CAPN11: variants seen among roughly 807,000 people sequenced by gnomAD.
CAPN11 encodes the protein calpain-11.
Under a neutral mutation model 105.3 loss-of-function variants are expected in CAPN11, and 108 were observed. The ratio of observed to expected loss-of-function variants is 1.03; its 90% confidence interval spans 0.88 to 1.20. The LOEUF (loss-of-function observed/expected upper bound fraction) is 1.20, where lower values mean the gene tolerates loss of function less well. Ranked by LOEUF, CAPN11 falls within the 50% of genes most tolerant of loss-of-function variation. CAPN11 has a pLI of 0.00. For synonymous variants in CAPN11, 329 were observed against 344.5 expected, an observed-to-expected ratio of 0.96 and a Z score of 0.50; for missense variants, 883 against 924.8, an observed-to-expected ratio of 0.95 and a Z score of 0.59.
chr6:44,166,149 G>A (rs1383189926), intron 1 of CAPN11, among the ~76,000 whole-genome samples: 2 of 152,168 alleles, frequency 1.3e-5, no homozygotes, highest in Non-Finnish European at 2.9e-5. Flanking sequence ...ACAGGAGAAG[G>A]GGTTTGCTTG....
At chr6:44,164,736 GGTAACCTGTGCAGAAAGTCGT>G (rs895963045) in intron 1 of CAPN11, among the ~76,000 whole-genome samples, 2 of 152,172 alleles carry the variant, frequency 1.3e-5, no homozygotes, top group Admixed American at 1.3e-4. Flanking sequence ...GAGGAATGAG[GGTAACCTGTGCAGAAAGTCGT>G]GGGGCCAGAT....
At chr6:44,161,180 T>C (rs1483138887) in intron 1 of CAPN11, among the ~76,000 whole-genome samples, 1 of 146,608 alleles carries the variant, frequency 6.8e-6, no homozygotes, top group Non-Finnish European at 1.5e-5. Context: ...CTTTTGGGTT[T>C]TTTTTTTTTT....
At chr6:44,170,274 A>G (rs918675010) in intron 4 of CAPN11, among the ~76,000 whole-genome samples, 1 of 152,156 alleles carries the variant, frequency 6.6e-6, no homozygotes, top group African/African-American at 2.4e-5. Context: ...AAAATTTCTT[A>G]TCTCACGGTT....
In CAPN11 at chr6:44,172,424, A is replaced by G; in HGVS notation, c.528+4A>G. ...TGCTGGCATCTTCCATTTTCAGGTG[A>G]AGGACAGTGTGAGAGCCACTGTGGC... On this transcript the variant is annotated splice_donor_region_variant and intron_variant, in intron 5 of 22. Coordinates refer to ENST00000398776, the MANE Select transcript of CAPN11 (RefSeq NM_007058.4). 6.5e-7 allele frequency: 1 copy of G among 1,532,508 alleles called. No individual in the cohort carries two copies. The highest frequency in any genetic ancestry group is 8.9e-7 in the Non-Finnish European group (1 of 1,129,492). The allele number at this position is 1,532,508 out of a possible 1,614,324, so 94.9% of individuals were successfully genotyped here.
At chr6:44,179,683 C>G in intron 13 of CAPN11, 53 bp downstream of exon 13, 1 of 1,588,954 alleles carries the variant, frequency 6.3e-7, no homozygotes, top group Non-Finnish European at 8.6e-7. Context: ...CCACTCCACC[C>G]CTGGCTGCAA....
intron 11 of CAPN11, 105 bp downstream of exon 11, chr6:44,177,103 T>C: frequency 2.7e-6 from 4 of 1,493,006 alleles, no homozygotes; most frequent in Non-Finnish European, 3.7e-6. Context: ...TCAGGGTCCA[T>C]GAGGTCAAGG....
At chr6:44,160,572 G>A (rs915022958) in intron 1 of CAPN11, among the ~76,000 whole-genome samples, 15 of 152,018 alleles carry the variant, frequency 9.9e-5, no homozygotes, top group African/African-American at 3.4e-4. Context: ...AGCCAAGATC[G>A]CTCCACTGCA....
Position 44,176,320 on chromosome 6 carries a change from A to T in CAPN11, c.983A>T (p.Asn328Ile), listed in dbSNP as rs754531195. The T allele has an allele frequency of 6.2e-7, 1 of 1,613,896 alleles. No homozygotes were observed. Residue 328 changes from asparagine to isoleucine, a missense_variant, in exon 9 of 23, where the codon AAT becomes ATT. Coordinates refer to ENST00000398776, the MANE Select transcript of CAPN11 (RefSeq NM_007058.4). ...AATCCCTGGGGCCGGATTGAGTGGA[A>T]TGGAGCTTGGAGTGACAGGTAGGTG... is the stretch of plus-strand genomic sequence containing the variant. ...VRNPWGRIEW[N>I]GAWSDSAREW...
At position 44,172,329 on chromosome 6, in the gene CAPN11, G is replaced by C; in HGVS notation, c.437G>C (p.Gly146Ala). The C allele has an allele frequency of 6.4e-7, 1 of 1,558,142 alleles. No individual in the cohort carries two copies. Among genetic ancestry groups the C allele is most frequent in the African/African-American group, 1.4e-5 (1 of 73,320 alleles). Residue 146 changes from glycine (G) to alanine (A), a missense_variant, in exon 5 of 23, where the codon GGC becomes GCC. Gly to Ala is a moderately conservative substitution (Grantham distance 60). Transcript: ENST00000398776. ...GACTGCTGGCTGCTGGCTGCCATCG[G>C]CTCCCTTACCACCTGCCCCAAACTG... ...LGDCWLLAAI[G>A]SLTTCPKLLY...
chr6:44,173,570 GTT>G (rs58916283), intron 7 of CAPN11, among the ~76,000 whole-genome samples, 184 bp downstream of exon 7: 2 of 86,734 alleles, frequency 2.3e-5, no homozygotes, highest in Admixed American at 1.0e-4. Flanking sequence ...CTTTCTTTTT[GTT>G]TTTTTTTGTT....
chr6:44,172,244 G>C, intron 4 of CAPN11, 58 bp from the exon 5 acceptor site: 1 of 1,190,652 alleles, frequency 8.4e-7, no homozygotes, highest in South Asian at 1.4e-5. Context: ...TGGATTCTGA[G>C]GCCCACCCAC....
intron 12 of CAPN11, 48 bp downstream of exon 12, chr6:44,177,468 C>G (rs747464059): frequency 1.6e-5 from 24 of 1,489,478 alleles, no homozygotes; most frequent in Non-Finnish European, 2.1e-5. Context: ...CCTCACCTGA[C>G]CTCACTCCTT....
In CAPN11 at chr6:44,183,950, G is replaced by A. The variant is rs1208335942; in HGVS notation, c.*18G>A. On this transcript the variant is annotated 3_prime_UTR_variant, in exon 23 of 23. Transcript: ENST00000398776. ...GGGGATAGAGGCGCTGTAGGAGCCT[G>A]GTCATCTCTACCAGCAGCAGCAGCA... The A allele has an allele frequency of 3.2e-6, 5 of 1,552,830 alleles. No individual in the cohort carries two copies. The highest frequency in any genetic ancestry group is 4.4e-6 in the Non-Finnish European group (5 of 1,147,784).
chr6:44,171,580 C>A (rs906531729), intron 4 of CAPN11, among the ~76,000 whole-genome samples: 1 of 152,154 alleles, frequency 6.6e-6, no homozygotes, highest in African/African-American at 2.4e-5. Context: ...GTAATCCTAG[C>A]ACCTTGGGAG....
At position 44,176,903 on chromosome 6, in the gene CAPN11, C is replaced by T; in HGVS notation, c.1142C>T (p.Thr381Ile). The T allele has an allele frequency of 6.2e-7, 1 of 1,613,978 alleles. No homozygotes were observed. Among genetic ancestry groups the T allele is most frequent in the Non-Finnish European group, 8.5e-7 (1 of 1,179,876 alleles). ...LLEICNLTPD[T>I]LSGDYKSYWH... Reference sequence around the variant, plus strand: ...GAGATCTGCAACCTCACGCCTGATACACTCTCTGGGGACTACAAGAGCTAC... The same window carrying T: ...GAGATCTGCAACCTCACGCCTGATATACTCTCTGGGGACTACAAGAGCTAC... The change falls in exon 11 of 23, where the codon ACA becomes ATA. Residue 381 changes from threonine (T) to isoleucine (I), a missense_variant. Physicochemically the swap from Thr to Ile is moderately conservative, Grantham distance 89. Coordinates refer to ENST00000398776, the MANE Select transcript of CAPN11 (RefSeq NM_007058.4).
At chr6:44,159,696 A>AATTT (rs1443767195) in intron 1 of CAPN11, among the ~76,000 whole-genome samples, 1 of 151,878 alleles carries the variant, frequency 6.6e-6, no homozygotes, top group Non-Finnish European at 1.5e-5. Context: ...CTCAAAATAT[A>AATTT]ATTTATTTAT....
intron 7 of CAPN11, among the ~76,000 whole-genome samples, 191 bp from the exon 8 acceptor site, chr6:44,175,877 A>G (rs944828208): frequency 2.0e-5 from 3 of 152,246 alleles, no homozygotes; most frequent in Non-Finnish European, 4.4e-5. Context: ...AGTATGGGAT[A>G]CACGGGATTT....
rs66536720 is a variant in CAPN11 at position 44,174,515 on chromosome 6, C to CA, written c.831+1147dup. On this transcript the variant is annotated intron_variant, in intron 7 of 22. Coordinates refer to ENST00000398776, the MANE Select transcript of CAPN11 (RefSeq NM_007058.4). ...AAATATAGTGAGACCTCATCTCTAC[C>CA]AAAAAAAAAAAAAAAAAAGAAATTA... Among the ~76,000 whole-genome samples the CA allele has an allele frequency of 9.5e-3, 737 of 77,216 alleles. 13 individuals carry two copies. The highest frequency in any genetic ancestry group is 0.038 in the South Asian group (85 of 2,216). The allele number at this position is 77,216 out of a possible 152,430, so 50.7% of individuals were successfully genotyped here.
In CAPN11 at chr6:44,180,621, G is replaced by C. The variant is rs778571501; in HGVS notation, c.1705G>C (p.Asp569His). The change falls in exon 16 of 23, where the codon GAC (aspartate) becomes CAC (histidine). Residue 569 changes from aspartate to histidine, a missense_variant. By Grantham distance (81) the Asp-to-His change is moderately conservative. Transcript: ENST00000398776. Reference sequence around the variant, plus strand: ...GGAAAAGGTCTCTGAGGATGACATGGACCAGGACTTCCTACATTTGTTTAA... The same window carrying C: ...GGAAAAGGTCTCTGAGGATGACATGCACCAGGACTTCCTACATTTGTTTAA... ...QEEKVSEDDM[D>H]QDFLHLFKIV... is the part of the protein sequence containing the mutation. 2.0e-5 allele frequency: 33 copies of C among 1,613,656 alleles called. No individual in the cohort carries two copies. The highest frequency in any genetic ancestry group is 2.5e-5 in the Non-Finnish European group (29 of 1,179,838).
Sources: allele counts gnomAD v4.1 joint callset (sites outside exome capture counted in the v4.1 genomes callset), GRCh38; gene constraint gnomAD v4.1.1; transcripts MANE v1.5; gene names NCBI Gene and HGNC (gene_info 2026-07-23, HGNC 2026-07-21).